The following NOPCHAP1 variants were observed in gnomAD, a reference collection of about 807,000 sequenced individuals.
NOPCHAP1 encodes the protein DNA damage-sensitive RNA 1.
A neutral mutation model predicts 14.0 loss-of-function variants in NOPCHAP1; 13 were observed. That is an observed-to-expected ratio of 0.93 (90% CI 0.60 to 1.47). NOPCHAP1 has a LOEUF of 1.47. Among genes scored for constraint, NOPCHAP1 ranks in the 40% most tolerant of loss-of-function variants. The pLI, the probability that NOPCHAP1 is intolerant of heterozygous loss-of-function variation, is 0.00. For synonymous variants in NOPCHAP1, 78 were observed against 78.4 expected (o/e 1.00, Z 0.03); for missense variants, 230 against 226.9 (o/e 1.01, Z -0.09).
rs1873472083 is a variant in NOPCHAP1, at chr12:104,995,145, C to G, written c.*449C>G. The G allele has an allele frequency of 5.2e-6, 1 of 192,266 alleles. No homozygotes were observed. The allele number at this position is 192,266 out of a possible 1,614,324, so 11.9% of individuals were successfully genotyped here. On this transcript the variant is annotated 3_prime_UTR_variant, in exon 4 of 4. Coordinates refer to ENST00000552951, the MANE Select transcript of NOPCHAP1 (RefSeq NM_152318.3). ...TGGCTATTTGTTATAAAAATACACT[C>G]CTGAGTTAGGTTTTGGTGTGTAGAG...
rs1873656709 is a variant in NOPCHAP1, at chr12:105,003,783, A to G, written c.*9087A>G. 6.6e-6 allele frequency: 1 copy of G among 152,242 alleles called. No individual in the cohort carries two copies. Among genetic ancestry groups the G allele is most frequent in the East Asian group, 1.9e-4 (1 of 5,204 alleles). The allele number at this position is 152,242 out of a possible 1,614,324, so 9.4% of individuals were successfully genotyped here. ...GTGGCACAGAGAGTATGCTTTTATAAGTATAAATTGAACTTGGAAGTAAAC... is the reference window on the plus strand; with the variant it reads ...GTGGCACAGAGAGTATGCTTTTATAGGTATAAATTGAACTTGGAAGTAAAC... On this transcript the variant is annotated 3_prime_UTR_variant, in exon 4 of 4. Coordinates refer to ENST00000552951, the MANE Select transcript of NOPCHAP1 (RefSeq NM_152318.3).
In NOPCHAP1 at chr12:105,007,404, TTTTTCTTGTAATGTCATGAC is replaced by T. The variant is rs1873728625; in HGVS notation, c.*12715_*12734del. ...TATGGTACACATCAAGCAATTCATATTTTTCTTGTAATGTCATGACTTTTCTCTGCTTCTTGGAAGAAATT... is the reference window on the plus strand; with the variant it reads ...TATGGTACACATCAAGCAATTCATATTTTTCTCTGCTTCTTGGAAGAAATT... On this transcript the variant is annotated 3_prime_UTR_variant, in exon 4 of 4. Transcript: ENST00000552951. 6.6e-6 allele frequency: 1 copy of T among 152,204 alleles called. No homozygotes were observed. The highest frequency in any genetic ancestry group is 2.4e-5 in the African/African-American group (1 of 41,438). 9.4% of individuals were successfully genotyped at this position (152,204 alleles called of 1,614,324 possible).
At position 105,012,213 on chromosome 12, in the gene NOPCHAP1, T is replaced by C. The variant is rs180889929; in HGVS notation, c.*17517T>C. The C allele has an allele frequency of 3.9e-5, 6 of 152,340 alleles. No homozygotes were observed. Among genetic ancestry groups the C allele is most frequent in the East Asian group, 3.9e-4 (2 of 5,186 alleles). The allele number at this position is 152,340 out of a possible 1,614,324, so 9.4% of individuals were successfully genotyped here. On this transcript the variant is annotated 3_prime_UTR_variant, in exon 4 of 4. Transcript: ENST00000552951. ...TTCATTCTTTTTTCTCTAATCTGTC[T>C]TCACGCTTTATTTCATTAAGTTGAT...
intron 1 of NOPCHAP1, among the ~76,000 whole-genome samples, chr12:104,987,058 A>C (rs988735855): frequency 7.9e-5 from 12 of 152,178 alleles, no homozygotes; most frequent in Admixed American, 2.0e-4. Flanking sequence ...CCTAAGCCTC[A>C]GTTTTTGCAT....
In NOPCHAP1 at chr12:104,995,097, G is replaced by A. The variant is rs1051382159; in HGVS notation, c.*401G>A. The A allele has an allele frequency of 1.9e-5, 4 of 209,164 alleles. No homozygotes were observed. Among genetic ancestry groups the A allele is most frequent in the Non-Finnish European group, 3.7e-5 (4 of 107,556 alleles). The allele number at this position is 209,164 out of a possible 1,614,324, so 13.0% of individuals were successfully genotyped here. On this transcript the variant is annotated 3_prime_UTR_variant, in exon 4 of 4. Transcript: ENST00000552951. ...TGCCTTGTCCGATGGGCTGAGGCTT[G>A]GCTGTTTGTGATTGGCCAGACTTGG...
chr12:104,988,360 C>A, intron 2 of NOPCHAP1, 107 bp downstream of exon 2: 1 of 769,446 alleles, frequency 1.3e-6, no homozygotes, highest in South Asian at 2.0e-5. Context: ...ACAGATAGTC[C>A]AGTGGAACAA....
At chr12:104,992,886 A>G (rs779857367) in intron 3 of NOPCHAP1, among the ~76,000 whole-genome samples, 79 of 152,146 alleles carry the variant, frequency 5.2e-4, no homozygotes, top group Non-Finnish European at 9.1e-4. Flanking sequence ...ATTTTCTTCC[A>G]CAAAACTGGT....
Position 104,999,516 on chromosome 12 carries a change from A to G in NOPCHAP1, c.*4820A>G, listed in dbSNP as rs11112293. The G allele has an allele frequency of 0.097, 14,721 of 152,336 alleles. 804 individuals are homozygous for G. Among genetic ancestry groups the G allele is most frequent in the African/African-American group, 0.14 (5,646 of 41,524 alleles). The allele number at this position is 152,336 out of a possible 1,614,324, so 9.4% of individuals were successfully genotyped here. On this transcript the variant is annotated 3_prime_UTR_variant, in exon 4 of 4. Transcript: ENST00000552951. ...GCTTAGTTCCGATCGGCCAGGTCTC[A>G]TAGGCAAGACTGCCCTGCATTTTTC...
Position 105,013,115 on chromosome 12 carries a change from G to T in NOPCHAP1, c.*18419G>T, listed in dbSNP as rs1183370788. On this transcript the variant is annotated 3_prime_UTR_variant, in exon 4 of 4. Transcript: ENST00000552951. ...GATCCCCCAGGTGTTCTGTCCCAGGGAGATAGGACTTTTATCTATAATCCC... is the reference window on the plus strand; with the variant it reads ...GATCCCCCAGGTGTTCTGTCCCAGGTAGATAGGACTTTTATCTATAATCCC... 3 of 152,288 alleles carry T rather than the reference G, an allele frequency of 2.0e-5. No individual in the cohort carries two copies. The highest frequency in any genetic ancestry group is 4.4e-5 in the Non-Finnish European group (3 of 68,096). The allele number at this position is 152,288 out of a possible 1,614,324, so 9.4% of individuals were successfully genotyped here.
chr12:104,991,691 T>G, intron 2 of NOPCHAP1, 21 bp from the exon 3 acceptor site: 1 of 1,577,678 alleles, frequency 6.3e-7, no homozygotes, highest in Non-Finnish European at 8.6e-7. Context: ...AATGTTGATA[T>G]GCTGTATTTA....
rs1447939554 is a variant in NOPCHAP1, at chr12:105,017,164, A to G, written c.*22468A>G. 6.6e-6 allele frequency: 1 copy of G among 152,130 alleles called. No homozygotes were observed. The highest frequency in any genetic ancestry group is 1.5e-5 in the Non-Finnish European group (1 of 68,036). The allele number at this position is 152,130 out of a possible 1,614,324, so 9.4% of individuals were successfully genotyped here. On this transcript the variant is annotated 3_prime_UTR_variant, in exon 4 of 4. Coordinates refer to ENST00000552951, the MANE Select transcript of NOPCHAP1 (RefSeq NM_152318.3). ...TTATTTTTAAAAACTGCCTAGCAGG[A>G]TAGTTTGTGTTACTCTGCCTGTATC...
Position 104,986,377 on chromosome 12 carries a change from G to A in NOPCHAP1, c.25G>A (p.Ala9Thr). ...CATGGAGGTCCATGGCAAGCCCAAG[G>A]CTAGCCCGAGTTGTTCGTCGCCCAC... MEVHGKPK[A>T]SPSCSSPTRD... The change falls in exon 1 of 4, where the codon GCT becomes ACT. Residue 9 changes from alanine (A) to threonine (T), a missense_variant. Transcript: ENST00000552951. 1 of 1,611,174 alleles carries A rather than the reference G, an allele frequency of 6.2e-7. No individual in the cohort carries two copies.
At position 104,998,478 on chromosome 12, in the gene NOPCHAP1, G is replaced by A. The variant is rs1873540463; in HGVS notation, c.*3782G>A. 6.6e-6 allele frequency: 1 copy of A among 152,180 alleles called. No homozygotes were observed. Among genetic ancestry groups the A allele is most frequent in the Admixed American group, 6.5e-5 (1 of 15,288 alleles). 9.4% of individuals were successfully genotyped at this position (152,180 alleles called of 1,614,324 possible). A position where few individuals can be genotyped will look rare whatever the true frequency, so the allele number is the denominator to read the frequency against. ...TCAACTCAGGATTCCTGGACTGTATGCTGTAATTCTGGGGGGCTGATATCA... is the reference window on the plus strand; with the variant it reads ...TCAACTCAGGATTCCTGGACTGTATACTGTAATTCTGGGGGGCTGATATCA... On this transcript the variant is annotated 3_prime_UTR_variant, in exon 4 of 4. Transcript: ENST00000552951.
chr12:104,986,588 G>C, intron 1 of NOPCHAP1, 121 bp downstream of exon 1: 3 of 795,760 alleles, frequency 3.8e-6, no homozygotes, highest in Non-Finnish European at 5.6e-6. Flanking sequence ...GGGGAGCCCC[G>C]GGGACTGCTG....
rs890280295 is a variant in NOPCHAP1, at chr12:105,008,016, A to C, written c.*13320A>C. The C allele has an allele frequency of 5.9e-5, 9 of 152,252 alleles. No individual in the cohort carries two copies. Among genetic ancestry groups the C allele is most frequent in the Non-Finnish European group, 2.9e-5 (2 of 68,044 alleles). The allele number at this position is 152,252 out of a possible 1,614,324, so 9.4% of individuals were successfully genotyped here. A position where few individuals can be genotyped will look rare whatever the true frequency, so the allele number is the denominator to read the frequency against. Reference sequence around the variant, plus strand: ...TTTATAATCCTTTGGATATATACCCAGTAATGGGATTGCTGGGTTAAATGG... The same window carrying C: ...TTTATAATCCTTTGGATATATACCCCGTAATGGGATTGCTGGGTTAAATGG... On this transcript the variant is annotated 3_prime_UTR_variant, in exon 4 of 4. Transcript: ENST00000552951.
chr12:105,016,378 C>T lies in NOPCHAP1; in HGVS notation c.*21682C>T, dbSNP rs961423401. On this transcript the variant is annotated 3_prime_UTR_variant, in exon 4 of 4. Coordinates refer to ENST00000552951, the MANE Select transcript of NOPCHAP1 (RefSeq NM_152318.3). ...TAGCTACTAGTCTAAGAGTTACCAC[C>T]ACTCATACATATGTAAAGGCTAATG... 2 of 152,152 alleles carry T rather than the reference C, an allele frequency of 1.3e-5. No homozygotes were observed. The highest frequency in any genetic ancestry group is 4.8e-5 in the African/African-American group (2 of 41,426). The allele number at this position is 152,152 out of a possible 1,614,324, so 9.4% of individuals were successfully genotyped here.
rs920281931 is a variant in NOPCHAP1, at chr12:105,000,586, A to C, written c.*5890A>C. Reference sequence around the variant, plus strand: ...TGACAGAGAAGAGAACTCTTGATCCATGATCAAATTCTTACCACCCATACT... The same window carrying C: ...TGACAGAGAAGAGAACTCTTGATCCCTGATCAAATTCTTACCACCCATACT... On this transcript the variant is annotated 3_prime_UTR_variant, in exon 4 of 4. Coordinates refer to ENST00000552951, the MANE Select transcript of NOPCHAP1 (RefSeq NM_152318.3). 1 of 152,152 alleles carries C rather than the reference A, an allele frequency of 6.6e-6. No individual in the cohort carries two copies. Among genetic ancestry groups the C allele is most frequent in the African/African-American group, 2.4e-5 (1 of 41,448 alleles). The allele number at this position is 152,152 out of a possible 1,614,324, so 9.4% of individuals were successfully genotyped here.
rs1873835956 is a variant in NOPCHAP1, at chr12:105,011,899, C to G, written c.*17203C>G. 1 of 152,144 alleles carries G rather than the reference C, an allele frequency of 6.6e-6. No homozygotes were observed. The highest frequency in any genetic ancestry group is 2.1e-4 in the South Asian group (1 of 4,822). 9.4% of individuals were successfully genotyped at this position (152,144 alleles called of 1,614,324 possible). On this transcript the variant is annotated 3_prime_UTR_variant, in exon 4 of 4. Transcript: ENST00000552951. The stretch of plus-strand genomic sequence containing the variant: ...GGCTTCCCTTTTTGGGTAATTCAAC[C>G]TTTCTCTCTGGCTGCCCTTAACATT...
rs1873785141 is a variant in NOPCHAP1, at chr12:105,010,045, G to C, written c.*15349G>C. The C allele has an allele frequency of 6.6e-6, 1 of 152,182 alleles. No individual in the cohort carries two copies. The highest frequency in any genetic ancestry group is 1.5e-5 in the Non-Finnish European group (1 of 68,028). 9.4% of individuals were successfully genotyped at this position (152,182 alleles called of 1,614,324 possible). ...AATAGTTTCAGAAGGAATGGTACCA[G>C]CTCCTTTTTGTATCTCTGATAGAAT... On this transcript the variant is annotated 3_prime_UTR_variant, in exon 4 of 4. Transcript: ENST00000552951.
Sources: allele counts gnomAD v4.1 joint callset (sites outside exome capture counted in the v4.1 genomes callset), GRCh38; gene constraint gnomAD v4.1.1; transcripts MANE v1.5; gene names NCBI Gene and HGNC (gene_info 2026-07-23, HGNC 2026-07-21).